FBXL17: variants seen among roughly 807,000 people sequenced by gnomAD.
FBXL17 encodes F-box/LRR-repeat protein 17.
In FBXL17, 22 loss-of-function variants were observed where a neutral mutation model predicts 66.2. That is an observed-to-expected ratio of 0.33 (90% CI 0.24 to 0.47). The LOEUF is 0.47. Ranked by LOEUF, FBXL17 falls within the 20% of genes least tolerant of loss-of-function variation. FBXL17 has a pLI of 1.00. For missense variants in FBXL17, 878 were observed against 948.2 expected, an observed-to-expected ratio of 0.93 and a Z score of 0.97; for synonymous variants, 474 against 400.5, an observed-to-expected ratio of 1.18 and a Z score of -2.19.
intron 6 of FBXL17, among the ~76,000 whole-genome samples, chr5:108,143,297 C>T (rs1268509162): frequency 6.6e-6 from 1 of 151,526 alleles, no homozygotes. Context: ...ACACATTCTT[C>T]AATAAATGAA....
intron 7 of FBXL17, among the ~76,000 whole-genome samples, chr5:107,891,368 T>C (rs758555949): frequency 1.3e-5 from 2 of 152,124 alleles, no homozygotes; most frequent in African/African-American, 4.8e-5. Context: ...ACTGAAATAT[T>C]TGGGGCACAG....
intron 7 of FBXL17, among the ~76,000 whole-genome samples, chr5:107,936,199 G>T (rs373444714): frequency 3.3e-5 from 5 of 152,010 alleles, no homozygotes; most frequent in African/African-American, 1.2e-4. Flanking sequence ...AGATGAGTTT[G>T]AAAATTAACT....
intron 4 of FBXL17, among the ~76,000 whole-genome samples, chr5:108,236,167 A>G (rs1258184470): frequency 1.3e-5 from 2 of 152,160 alleles, no homozygotes; most frequent in Middle Eastern, 3.4e-3. Flanking sequence ...CTTGGACCAT[A>G]CTGCTGCACT....
intron 6 of FBXL17, among the ~76,000 whole-genome samples, chr5:108,076,274 T>C (rs1748544619): frequency 6.6e-6 from 1 of 152,202 alleles, no homozygotes; most frequent in Non-Finnish European, 1.5e-5. Context: ...AGGCCCTATC[T>C]TCCCTGGCTG....
intron 7 of FBXL17, among the ~76,000 whole-genome samples, chr5:107,986,771 ACAACC>A (rs1753025414): frequency 1.3e-5 from 2 of 152,180 alleles, no homozygotes; most frequent in South Asian, 2.1e-4. Context: ...ATACAACTGT[ACAACC>A]CTATTTATAA....
At chr5:107,877,665 C>G (rs1376647924) in intron 8 of FBXL17, among the ~76,000 whole-genome samples, 1 of 152,088 alleles carries the variant, frequency 6.6e-6, no homozygotes, top group Non-Finnish European at 1.5e-5. Flanking sequence ...CTCTCTAGTG[C>G]AGGGATCCTA....
intron 6 of FBXL17, among the ~76,000 whole-genome samples, chr5:108,077,069 C>T (rs1748581208): frequency 1.3e-5 from 2 of 151,914 alleles, no homozygotes; most frequent in South Asian, 4.2e-4. Context: ...TATTTTGGGA[C>T]CTCAAAAAAA....
At chr5:108,322,013 G>C (rs927973185) in intron 4 of FBXL17, among the ~76,000 whole-genome samples, 1 of 151,850 alleles carries the variant, frequency 6.6e-6, no homozygotes, top group Non-Finnish European at 1.5e-5. Flanking sequence ...CTTCTTGACT[G>C]TCAAAATGGC....
Position 108,246,305 on chromosome 5 carries a change from A to G in FBXL17, c.1507-22077T>C, listed in dbSNP as rs113311504. On this transcript the variant is annotated intron_variant, in intron 4 of 8. Transcript: ENST00000542267. ...CACTTGAGCCTTGGAGTTCAAGACC[A>G]GCCTGGGCAAAATAGTGAAACCCTG... Among the ~76,000 whole-genome samples, 869 of 152,296 alleles carry G rather than the reference A, an allele frequency of 5.7e-3. 5 individuals carry two copies. Among genetic ancestry groups the G allele is most frequent in the African/African-American group, 0.02 (840 of 41,566 alleles).
chr5:108,006,880 T>C (rs546839199), intron 7 of FBXL17, among the ~76,000 whole-genome samples: 1 of 152,286 alleles, frequency 6.6e-6, no homozygotes, highest in South Asian at 2.1e-4. Context: ...ATTGCTGTAA[T>C]TTAACTCACT....
chr5:108,106,168 G>C (rs957905398), intron 6 of FBXL17, among the ~76,000 whole-genome samples: 1 of 152,124 alleles, frequency 6.6e-6, no homozygotes, highest in Non-Finnish European at 1.5e-5. Flanking sequence ...CTATAGCAGG[G>C]AAAAACTGAG....
At chr5:107,904,386 C>G in intron 7 of FBXL17, among the ~76,000 whole-genome samples, 1 of 152,128 alleles carries the variant, frequency 6.6e-6, no homozygotes, top group East Asian at 1.9e-4. Flanking sequence ...TGACTCTGCT[C>G]TATTTGGATC....
intron 7 of FBXL17, among the ~76,000 whole-genome samples, chr5:107,895,682 T>C (rs548689878): frequency 5.3e-5 from 8 of 152,268 alleles, no homozygotes; most frequent in South Asian, 2.1e-4. Flanking sequence ...AATGATTCTA[T>C]GTTTGTTCCT....
At chr5:108,202,449 T>C (rs1180851541) in intron 5 of FBXL17, among the ~76,000 whole-genome samples, 1 of 152,176 alleles carries the variant, frequency 6.6e-6, no homozygotes, top group Non-Finnish European at 1.5e-5. Flanking sequence ...ATGTTGTCTA[T>C]ACTAATTTAT....
chr5:108,009,457 T>C lies in FBXL17; in HGVS notation c.1822+11468A>G, dbSNP rs186517863. Reference sequence around the variant, plus strand: ...CTTTTCTCTGCCCTCACTCAGTCATTTTCAATGAAAGCCAAGTCACTTTCA... The same window carrying C: ...CTTTTCTCTGCCCTCACTCAGTCATCTTCAATGAAAGCCAAGTCACTTTCA... On this transcript the variant is annotated intron_variant, in intron 7 of 8. Transcript: ENST00000542267. Among the ~76,000 whole-genome samples the C allele has an allele frequency of 3.5e-3, 529 of 151,348 alleles. 1 individual carries two copies. The highest frequency in any genetic ancestry group is 6.6e-3 in the Non-Finnish European group (446 of 67,894).
In FBXL17 at chr5:108,015,812, C is replaced by T. The variant is rs569786514; in HGVS notation, c.1822+5113G>A. Among the ~76,000 whole-genome samples, 5 of 152,204 alleles carry T rather than the reference C, an allele frequency of 3.3e-5. No individual in the cohort carries two copies. In the South Asian group the frequency reaches 1.0e-3, roughly 32 times the overall value. On this transcript the variant is annotated intron_variant, in intron 7 of 8. Transcript: ENST00000542267. Reference sequence around the variant, plus strand: ...AGGGAAGGTATAACCTTTTAATCTTCCAATAGTATCAGAAGGTCAACAAGG... The same window carrying T: ...AGGGAAGGTATAACCTTTTAATCTTTCAATAGTATCAGAAGGTCAACAAGG...
chr5:108,290,427 T>C lies in FBXL17; in HGVS notation c.1506+57972A>G, dbSNP rs187573035. On this transcript the variant is annotated intron_variant, in intron 4 of 8. Coordinates refer to ENST00000542267, the MANE Select transcript of FBXL17 (RefSeq NM_001163315.3). ...ACTATTTTAATTTACCATTCCTGTA[T>C]GGTAAATCTTGGTATTTGGTAAGAT... is the stretch of plus-strand genomic sequence containing the variant. 5.3e-5 allele frequency among the ~76,000 whole-genome samples: 8 copies of C among 152,330 alleles called. No individual in the cohort carries two copies. In the East Asian group the frequency reaches 1.5e-3, roughly 29 times the overall value.
intron 7 of FBXL17, among the ~76,000 whole-genome samples, chr5:108,009,296 T>G (rs428999): frequency 0.075 from 2,412 of 32,320 alleles, 486 homozygotes; most frequent in African/African-American, 0.087. Context: ...TATATATATA[T>G]ATATACATAT....
At chr5:108,276,185 C>T (rs1401672373) in intron 4 of FBXL17, among the ~76,000 whole-genome samples, 1 of 152,082 alleles carries the variant, frequency 6.6e-6, no homozygotes, top group Non-Finnish European at 1.5e-5. Context: ...TATTTCACTC[C>T]TTCACTGTAC....
Sources: allele counts gnomAD v4.1 joint callset (sites outside exome capture counted in the v4.1 genomes callset), GRCh38; gene constraint gnomAD v4.1.1; transcripts MANE v1.5; gene names NCBI Gene and HGNC (gene_info 2026-07-23, HGNC 2026-07-21).